Variants in MOB3B observed in about 807,000 individuals in gnomAD.
MOB3B encodes MOB kinase activator-like 2B.
MOB3B carries 7 observed loss-of-function variants against 18.7 expected under a neutral mutation model. The observed-to-expected ratio is 0.37, with a 90% CI of 0.21 to 0.70. The LOEUF (loss-of-function observed/expected upper bound fraction) is 0.70, where lower values mean the gene tolerates loss of function less well. Among genes scored for constraint, MOB3B ranks in the 30% least tolerant of loss-of-function variants. The pLI is 0.52. For missense variants in MOB3B, 253 were observed against 281.3 expected (o/e 0.90, Z 0.72); for synonymous variants, 111 against 99.9 (o/e 1.11, Z -0.66).
intron 1 of MOB3B, among the ~76,000 whole-genome samples, chr9:27,528,449 C>A (rs924543497): frequency 6.6e-6 from 1 of 152,238 alleles, no homozygotes; most frequent in Non-Finnish European, 1.5e-5. Context: ...GGGCTGAGAT[C>A]TGAGAAATGC....
chr9:27,333,839 A>T (rs1205364762), intron 3 of MOB3B, among the ~76,000 whole-genome samples: 1 of 152,134 alleles, frequency 6.6e-6, no homozygotes, highest in Middle Eastern at 3.2e-3. Flanking sequence ...AAGAAAGAGG[A>T]CCCATCGCCC....
In MOB3B at chr9:27,329,629, C is replaced by A. The variant is rs533258076; in HGVS notation, c.*958G>T. 11 of 152,544 alleles carry A rather than the reference C, an allele frequency of 7.2e-5. No individual in the cohort carries two copies. The highest frequency in any genetic ancestry group is 1.5e-4 in the Non-Finnish European group (10 of 68,032). 9.4% of individuals were successfully genotyped at this position (152,544 alleles called of 1,614,324 possible). ...TACACGTACCAAATAACCAATTGTACTTTTTTCACTGAAATGTTAGTATTA... is the reference window on the plus strand; with the variant it reads ...TACACGTACCAAATAACCAATTGTAATTTTTTCACTGAAATGTTAGTATTA... On this transcript the variant is annotated 3_prime_UTR_variant, in exon 4 of 4. Transcript: ENST00000262244.
intron 1 of MOB3B, among the ~76,000 whole-genome samples, chr9:27,521,639 G>A (rs561773105): frequency 4.3e-4 from 65 of 152,280 alleles, no homozygotes; most frequent in Middle Eastern, 6.8e-3. Flanking sequence ...GAAGTTATAT[G>A]AGGTATGTAA....
chr9:27,349,936 G>T (rs541903997), intron 3 of MOB3B, among the ~76,000 whole-genome samples: 168 of 152,272 alleles, frequency 1.1e-3, no homozygotes, highest in African/African-American at 3.9e-3. Flanking sequence ...TTAAGAGTGG[G>T]TTATAAAAAG....
At chr9:27,496,922 T>C (rs1819911165) in intron 1 of MOB3B, among the ~76,000 whole-genome samples, 1 of 152,210 alleles carries the variant, frequency 6.6e-6, no homozygotes, top group Admixed American at 6.5e-5. Flanking sequence ...TGGTTTTCCA[T>C]TCTTGATCTA....
chr9:27,418,091 C>CAAAAAAAAAAAAAAAAAAAAAAA (rs57850999), intron 2 of MOB3B, among the ~76,000 whole-genome samples: 2 of 44,086 alleles, frequency 4.5e-5, no homozygotes, highest in African/African-American at 1.4e-4. Flanking sequence ...GACTCCACCT[C>CAAAAAAAAAAAAAAAAAAAAAAA]AAAAAAAAAA....
intron 1 of MOB3B, among the ~76,000 whole-genome samples, chr9:27,480,042 G>A (rs1484071606): frequency 1.4e-5 from 2 of 142,690 alleles, no homozygotes; most frequent in African/African-American, 5.3e-5. Context: ...GGGCAACAGA[G>A]CAAGATACTG....
In MOB3B at chr9:27,437,435, A is replaced by T. The variant is rs575134198; in HGVS notation, c.418+17698T>A. Among the ~76,000 whole-genome samples the T allele has an allele frequency of 1.5e-4, 23 of 152,314 alleles. No homozygotes were observed. In the South Asian group the frequency reaches 4.8e-3, roughly 32 times the overall value. On this transcript the variant is annotated intron_variant, in intron 2 of 3. Coordinates refer to ENST00000262244, the MANE Select transcript of MOB3B (RefSeq NM_024761.5). ...TGGTAATTTTCAAGTCCTACTAATG[A>T]CAACTTTCCTATCTTTATTGGACAT... is the stretch of plus-strand genomic sequence containing the variant.
At chr9:27,488,895 T>C (rs868776557) in intron 1 of MOB3B, among the ~76,000 whole-genome samples, 2 of 152,320 alleles carry the variant, frequency 1.3e-5, no homozygotes, top group African/African-American at 2.4e-5. Flanking sequence ...GGCTGACAAA[T>C]TGACTGGCAT....
At chr9:27,522,420 C>CATATATATAT (rs66472709) in intron 1 of MOB3B, among the ~76,000 whole-genome samples, 327 of 141,344 alleles carry the variant, frequency 2.3e-3, no homozygotes, top group African/African-American at 8.4e-3. Context: ...GACATTTTTT[C>CATATATATAT]ATATATATAT....
chr9:27,520,742 GGAGGAGGAAGAGTAGCA>G (rs11272355), intron 1 of MOB3B, among the ~76,000 whole-genome samples: 8,711 of 152,258 alleles, frequency 0.057, 416 homozygotes, highest in African/African-American at 0.13. Context: ...TAACTCTGCA[GGAGGAGGAAGAGTAGCA>G]GAGGAATGGC....
At position 27,517,543 on chromosome 9, in the gene MOB3B, G is replaced by GT. The variant is rs1331987656; in HGVS notation, c.-199+12011_-199+12012insA. On this transcript the variant is annotated intron_variant, in intron 1 of 3. Transcript: ENST00000262244. Reference sequence around the variant, plus strand: ...CATGCCTGTAATCCCAGCTACTCAGGAGGCTGAGGCAGGAGAATTGCTTGA... The same window carrying GT: ...CATGCCTGTAATCCCAGCTACTCAGGTAGGCTGAGGCAGGAGAATTGCTTGA... Among the ~76,000 whole-genome samples the GT allele has an allele frequency of 3.5e-4, 53 of 150,674 alleles. No individual in the cohort carries two copies. In the East Asian group the frequency reaches 9.8e-3, roughly 28 times the overall value.
intron 2 of MOB3B, among the ~76,000 whole-genome samples, chr9:27,390,306 A>C (rs566060640): frequency 6.6e-6 from 1 of 151,992 alleles, no homozygotes; most frequent in Non-Finnish European, 1.5e-5. Context: ...GCTGGAGTGC[A>C]GTGGGCGATC....
intron 2 of MOB3B, among the ~76,000 whole-genome samples, chr9:27,396,736 TCA>T (rs1821805377): frequency 6.6e-6 from 1 of 152,176 alleles, no homozygotes. Context: ...TTCTTAACTA[TCA>T]CAGTGTCTCC....
intron 3 of MOB3B, among the ~76,000 whole-genome samples, chr9:27,340,740 G>A (rs80012174): frequency 0.015 from 2,349 of 152,240 alleles, 70 homozygotes; most frequent in African/African-American, 0.053. Flanking sequence ...GTGATCAAAG[G>A]AGCCTGTGAT....
At position 27,325,340 on chromosome 9, in the gene MOB3B, C is replaced by T. The variant is rs1467775840; in HGVS notation, c.*5247G>A. ...TGTTAGTTTTCCTTATAGTCAAATG[C>T]TTAATACAATCATAAATGGAACCAA... On this transcript the variant is annotated 3_prime_UTR_variant, in exon 4 of 4. Transcript: ENST00000262244. 6.6e-6 allele frequency: 1 copy of T among 152,116 alleles called. No homozygotes were observed. The highest frequency in any genetic ancestry group is 1.5e-5 in the Non-Finnish European group (1 of 68,008). The allele number at this position is 152,116 out of a possible 1,614,324, so 9.4% of individuals were successfully genotyped here. A position where few individuals can be genotyped will look rare whatever the true frequency, so the allele number is the denominator to read the frequency against.
chr9:27,411,879 T>C (rs1327225462), intron 2 of MOB3B, among the ~76,000 whole-genome samples: 1 of 152,096 alleles, frequency 6.6e-6, no homozygotes, highest in African/African-American at 2.4e-5. Context: ...TTATAACAAA[T>C]GTGCTGCACT....
At chr9:27,355,378 G>A (rs916792785) in intron 3 of MOB3B, among the ~76,000 whole-genome samples, 3 of 152,114 alleles carry the variant, frequency 2.0e-5, no homozygotes, top group Admixed American at 6.5e-5. Context: ...GAAACTGGCT[G>A]GACAAATGCT....
intron 2 of MOB3B, among the ~76,000 whole-genome samples, chr9:27,362,541 G>T (rs1198739729): frequency 6.6e-6 from 1 of 152,122 alleles, no homozygotes; most frequent in Non-Finnish European, 1.5e-5. Flanking sequence ...TGGCTGCTAA[G>T]TCAGGCCCCA....
Sources: gnomAD v4.1 joint callset for allele counts (sites outside exome capture counted in the v4.1 genomes callset) on GRCh38, gnomAD v4.1.1 for gene constraint, MANE v1.5 for transcripts, NCBI Gene and HGNC (gene_info 2026-07-23, HGNC 2026-07-21) for gene names.